The following ZNF718 variants were observed in gnomAD, a reference collection of about 807,000 sequenced individuals.
ZNF718 encodes the protein zinc finger protein 718.
A neutral mutation model predicts 2.6 loss-of-function variants in ZNF718; 3 were observed. That is an observed-to-expected ratio of 1.16 (90% CI 0.53 to 3.01). The LOEUF (loss-of-function observed/expected upper bound fraction) is 3.01. ZNF718 is among the 30% of genes most tolerant of loss of function. The pLI, the probability that ZNF718 is intolerant of heterozygous loss-of-function variation, is 0.03. For missense variants in ZNF718, 468 were observed against 230.0 expected, an observed-to-expected ratio of 2.03 and a Z score of -6.69; for synonymous variants, 135 against 77.9, an observed-to-expected ratio of 1.73 and a Z score of -3.86.
At position 124,519 on chromosome 4, in the gene ZNF718, C is replaced by T. The variant is rs1715100684; in HGVS notation, c.-152C>T. The T allele has an allele frequency of 2.3e-5, 25 of 1,093,220 alleles. No homozygotes were observed. The highest frequency in any genetic ancestry group is 1.2e-4 in the South Asian group (10 of 80,338). 67.7% of individuals were successfully genotyped at this position (1,093,220 alleles called of 1,614,324 possible). A position where few individuals can be genotyped will look rare whatever the true frequency, so the allele number is the denominator to read the frequency against. Reference sequence around the variant, plus strand: ...CTGGCGCGGCTTTTGCTTGTAGCTCCAGCCAGAGCTCGGTTAGGGCCTCAT... The same window carrying T: ...CTGGCGCGGCTTTTGCTTGTAGCTCTAGCCAGAGCTCGGTTAGGGCCTCAT... On this transcript the variant is annotated 5_prime_UTR_variant, in exon 1 of 4. Coordinates refer to ENST00000510175, the MANE Select transcript of ZNF718 (RefSeq NM_001039127.6).
intron 3 of ZNF718, among the ~76,000 whole-genome samples, chr4:196,322 C>T (rs1276830899): frequency 6.6e-6 from 1 of 152,184 alleles, no homozygotes; most frequent in African/African-American, 2.4e-5. Flanking sequence ...CTGCCCATGT[C>T]AAGAGCTGTA....
downstream of ZNF718, among the ~76,000 whole-genome samples, chr4:167,621 G>A (rs1717119985): frequency 6.6e-6 from 1 of 152,108 alleles, no homozygotes; most frequent in Admixed American, 6.6e-5. Context: ...AATTGTGAAT[G>A]GGAGTTCACT....
chr4:134,391 C>G (rs1379620320), intron 3 of ZNF718, among the ~76,000 whole-genome samples: 2 of 152,318 alleles, frequency 1.3e-5, no homozygotes, highest in East Asian at 3.9e-4. Flanking sequence ...GATCTGCCCA[C>G]CTCGGCCTCC....
At position 161,505 on chromosome 4, in the gene ZNF718, A is replaced by G. The variant is rs1560122492; in HGVS notation, c.820A>G (p.Lys274Glu). The stretch of plus-strand genomic sequence containing the variant: ...CCAATCCTCAACCCTTAATTTACAT[A>G]AGAGAATTCATTCTGCACAAAAATA... The part of the protein sequence containing the change: ...FNQSSTLNLH[K>E]RIHSAQKYYK... The change falls in exon 4 of 4, where the codon AAG becomes GAG. Residue 274 changes from lysine (K) to glutamate (E), a missense_variant. Coordinates refer to ENST00000510175, the MANE Select transcript of ZNF718 (RefSeq NM_001039127.6). 1 of 780,810 alleles carries G rather than the reference A, an allele frequency of 1.3e-6. No individual in the cohort carries two copies. The highest frequency in any genetic ancestry group is 2.4e-6 in the Non-Finnish European group (1 of 417,932). The allele number at this position is 780,810 out of a possible 1,614,324, so 48.4% of individuals were successfully genotyped here.
chr4:155,684 G>A (rs1716537015), intron 3 of ZNF718, among the ~76,000 whole-genome samples: 1 of 152,062 alleles, frequency 6.6e-6, no homozygotes, highest in Non-Finnish European at 1.5e-5. Flanking sequence ...ATAGGTGGAA[G>A]GGACTTACTT....
chr4:136,473 C>T, intron 3 of ZNF718: 1 of 523,848 alleles, frequency 1.9e-6, no homozygotes, highest in Non-Finnish European at 3.8e-6. Flanking sequence ...ACTGCTTCAG[C>T]ATCCTTAGTA....
chr4:173,484 G>A (rs1419334997), intron 3 of ZNF718, among the ~76,000 whole-genome samples: 3 of 152,210 alleles, frequency 2.0e-5, no homozygotes, highest in African/African-American at 7.2e-5. Flanking sequence ...AGCAGTCAGA[G>A]CTCTTAGTCC....
chr4:178,799 C>A (rs532549573), intron 3 of ZNF718, among the ~76,000 whole-genome samples: 4 of 152,252 alleles, frequency 2.6e-5, no homozygotes, highest in African/African-American at 7.2e-5. Flanking sequence ...ATGTTAATTC[C>A]TGTCGAATAG....
At chr4:200,779 A>T (rs1452507754) in intron 3 of ZNF718, among the ~76,000 whole-genome samples, 13 of 152,070 alleles carry the variant, frequency 8.5e-5, no homozygotes, top group Non-Finnish European at 8.8e-5. Context: ...ATTTCACATA[A>T]TTTTTTCAAA....
chr4:172,505 A>C (rs1553818262), intron 3 of ZNF718, among the ~76,000 whole-genome samples: 1 of 152,232 alleles, frequency 6.6e-6, no homozygotes, highest in Non-Finnish European at 1.5e-5. Context: ...AATAAATTTA[A>C]TTCTCACAGT....
At chr4:186,701 C>T (rs1023394699) in intron 3 of ZNF718, among the ~76,000 whole-genome samples, 4 of 152,128 alleles carry the variant, frequency 2.6e-5, no homozygotes, top group Non-Finnish European at 2.9e-5. Flanking sequence ...GTCTATTGTG[C>T]TATTAATACT....
At chr4:146,772 TG>T (rs1272197033) in intron 3 of ZNF718, among the ~76,000 whole-genome samples, 302 of 145,970 alleles carry the variant, frequency 2.1e-3, no homozygotes, top group African/African-American at 6.9e-3. Flanking sequence ...TTTGCTGGGG[TG>T]TTTTTTTTTT....
intron 3 of ZNF718, among the ~76,000 whole-genome samples, chr4:157,293 T>C (rs781897972): frequency 6.6e-6 from 1 of 151,928 alleles, no homozygotes; most frequent in Non-Finnish European, 1.5e-5. Flanking sequence ...TGTATGTTTT[T>C]AGTAGAGATG....
chr4:131,434 TG>T lies in ZNF718; in HGVS notation c.157del (p.Val53SerfsTer13). On this transcript the variant is annotated frameshift_variant, in exon 3 of 4. Transcript: ENST00000510175. LOFTEE classifies it high-confidence loss of function. The stretch of plus-strand genomic sequence containing the variant: ...GGTGTTAGTATCTCTAACCCAGACC[TG>T]GTCACCAGTCTGGAGCAAAGAAAAG... ...SLGVSISNPD[L>X]VTSLEQRKEP... 1.9e-6 allele frequency: 1 copy of T among 519,544 alleles called. No homozygotes were observed. 32.2% of individuals were successfully genotyped at this position (519,544 alleles called of 1,614,324 possible).
chr4:144,530 C>T (rs1715961694), intron 3 of ZNF718, among the ~76,000 whole-genome samples: 1 of 152,044 alleles, frequency 6.6e-6, no homozygotes, highest in African/African-American at 2.4e-5. Context: ...ATTGTTTTTC[C>T]TATTTCTGTG....
At chr4:152,742 C>G (rs569750127) in intron 3 of ZNF718, among the ~76,000 whole-genome samples, 1 of 152,216 alleles carries the variant, frequency 6.6e-6, no homozygotes, top group African/African-American at 2.4e-5. Context: ...GCATGAGCCA[C>G]CGTGCCTGGC....
At chr4:170,103 A>G (rs1359347255) in intron 3 of ZNF718, among the ~76,000 whole-genome samples, 1 of 152,066 alleles carries the variant, frequency 6.6e-6, no homozygotes, top group South Asian at 2.1e-4. Flanking sequence ...TCCTTCACTT[A>G]TGAAGCTTAG....
At chr4:198,012 G>A (rs1226841219) in intron 3 of ZNF718, among the ~76,000 whole-genome samples, 8 of 152,174 alleles carry the variant, frequency 5.3e-5, no homozygotes, top group African/African-American at 1.9e-4. Flanking sequence ...GTTGATTTAT[G>A]AGATAGAGGC....
rs782037416 is a variant in ZNF718, at chr4:161,054, G to A, written c.369G>A (p.Val123=). The A allele has an allele frequency of 1.4e-5, 11 of 780,202 alleles. No individual in the cohort carries two copies. The highest frequency in any genetic ancestry group is 2.3e-4 in the Middle Eastern group (1 of 4,442). 48.3% of individuals were successfully genotyped at this position (780,202 alleles called of 1,614,324 possible). The change falls in exon 4 of 4, where the codon GTG becomes GTA. Residue 123 remains valine, a synonymous_variant. Coordinates refer to ENST00000510175, the MANE Select transcript of ZNF718 (RefSeq NM_001039127.6). ...KTCKSINECK[V]QKGGYNRINQ... ...GTAAAAGTATAAATGAGTGTAAGGT[G>A]CAGAAAGGTGGTTATAATAGAATTA...
Sources: allele counts gnomAD v4.1 joint callset (sites outside exome capture counted in the v4.1 genomes callset), GRCh38; gene constraint gnomAD v4.1.1; transcripts MANE v1.5; gene names NCBI Gene and HGNC (gene_info 2026-07-23, HGNC 2026-07-21).